Variants in ZNF600 observed in about 807,000 individuals in gnomAD.
ZNF600 encodes zinc finger protein KR-ZNF1.
A neutral mutation model predicts 7.3 loss-of-function variants in ZNF600; 4 were observed. That is an observed-to-expected ratio of 0.55 (90% CI 0.27 to 1.25). The LOEUF is 1.25. ZNF600 is among the 50% of genes most tolerant of loss of function. ZNF600 has a pLI of 0.12. For missense variants in ZNF600, 911 were observed against 922.1 expected (o/e 0.99, Z 0.16); for synonymous variants, 290 against 308.9 (o/e 0.94, Z 0.64).
intron 3 of ZNF600, among the ~76,000 whole-genome samples, chr19:52,773,777 T>A (rs1367120232): frequency 1.3e-5 from 2 of 151,810 alleles, no homozygotes; most frequent in African/African-American, 2.4e-5. Flanking sequence ...AAGGCTGAGG[T>A]AGGAGATTGC....
the ZNF600 span, among the ~76,000 whole-genome samples, chr19:52,824,259 C>T: frequency 6.6e-6 from 1 of 152,080 alleles, no homozygotes; most frequent in Admixed American, 6.6e-5. Flanking sequence ...GTTTTTCTTA[C>T]ATAGGCATCC....
At chr19:52,786,822 TG>T, upstream of ZNF600, 1 of 323,456 alleles carries the variant, frequency 3.1e-6, no homozygotes, top group Non-Finnish European at 6.6e-6. Context: ...TGGCTGGACC[TG>T]GGCGGGGTAG....
chr19:52,817,303 C>T, the ZNF600 span, among the ~76,000 whole-genome samples: 97 of 152,084 alleles, frequency 6.4e-4, 2 homozygotes, highest in South Asian at 0.02. Flanking sequence ...ACCCAGGAGG[C>T]GGAGGTTGCG....
At chr19:52,795,313 T>C in the ZNF600 span, among the ~76,000 whole-genome samples, 7 of 152,248 alleles carry the variant, frequency 4.6e-5, no homozygotes, top group Admixed American at 1.3e-4. Context: ...AAGTACACAT[T>C]GAAACAAGCT....
Position 52,779,025 on chromosome 19 carries a change from C to G in ZNF600, c.-19-118G>C, listed in dbSNP as rs913019547. 8.1e-6 allele frequency: 7 copies of G among 862,028 alleles called. No homozygotes were observed. In the African/African-American group the frequency reaches 1.0e-4, roughly 13 times the overall value. The allele number at this position is 862,028 out of a possible 1,614,324, so 53.4% of individuals were successfully genotyped here. The stretch of plus-strand genomic sequence containing the variant: ...GAAAGAAGTCCCCCACCGCCCACTG[C>G]ACCAGAGATCATGCAGAGATAAGAA... On this transcript the variant is annotated intron_variant, in intron 1 of 3. Coordinates refer to ENST00000648973, the Ensembl canonical transcript of ZNF600.
the ZNF600 span, among the ~76,000 whole-genome samples, chr19:52,803,263 G>A: frequency 6.6e-6 from 1 of 151,682 alleles, no homozygotes; most frequent in African/African-American, 2.4e-5. Context: ...TTTTAGTAGA[G>A]ATGGGGTTTG....
chr19:52,799,477 G>C, the ZNF600 span: 1 of 930,760 alleles, frequency 1.1e-6, no homozygotes. Flanking sequence ...TGACGTGCAA[G>C]GGTTGTTTTT....
At chr19:52,779,007 G>GCC in intron 1 of ZNF600, 100 bp from the exon 4 acceptor site, 1 of 1,056,844 alleles carries the variant, frequency 9.5e-7, no homozygotes, top group Non-Finnish European at 1.3e-6. Flanking sequence ...GCAGAAAGAA[G>GCC]TCCCCCACCG....
chr19:52,772,980 T>A (rs867725345), intron 3 of ZNF600, among the ~76,000 whole-genome samples: 2,665 of 134,730 alleles, frequency 0.02, 17 homozygotes, highest in African/African-American at 0.051. Flanking sequence ...AGCGGCCTCC[T>A]ATAATTTTGT....
the ZNF600 span, chr19:52,798,480 G>A: frequency 2.1e-6 from 1 of 485,270 alleles, no homozygotes; most frequent in South Asian, 1.6e-5. Context: ...TGCAAGGAGT[G>A]ATCTCGGACT....
At chr19:52,829,759 C>T in the ZNF600 span, among the ~76,000 whole-genome samples, 1 of 151,370 alleles carries the variant, frequency 6.6e-6, no homozygotes, top group Non-Finnish European at 1.5e-5. Flanking sequence ...CGATCTACCC[C>T]CCTCAGCCTC....
At chr19:52,769,981 G>A (rs540178410) in intron 3 of ZNF600, among the ~76,000 whole-genome samples, 2 of 151,946 alleles carry the variant, frequency 1.3e-5, no homozygotes, top group East Asian at 3.9e-4. Context: ...CAGCAAGCAA[G>A]TAAGTACATT....
chr19:52,804,458 C>T, the ZNF600 span, among the ~76,000 whole-genome samples: 1 of 152,130 alleles, frequency 6.6e-6, no homozygotes, highest in Non-Finnish European at 1.5e-5. Flanking sequence ...GCAACCTCCA[C>T]CTCCTGGGTT....
intron 2 of ZNF600, among the ~76,000 whole-genome samples, chr19:52,775,497 C>A (rs2062667356): frequency 6.6e-6 from 1 of 152,010 alleles, no homozygotes; most frequent in Non-Finnish European, 1.5e-5. Flanking sequence ...TTACAGTGAG[C>A]CAAGATCGCA....
the ZNF600 span, chr19:52,807,767 G>A: frequency 7.3e-6 from 5 of 689,420 alleles, no homozygotes; most frequent in Admixed American, 3.3e-5. Flanking sequence ...GAGCCACCAC[G>A]ACCAGGCTGC....
chr19:52,804,407 G>A, the ZNF600 span, among the ~76,000 whole-genome samples: 4 of 152,260 alleles, frequency 2.6e-5, no homozygotes, highest in African/African-American at 9.6e-5. Context: ...GTCTTACTCT[G>A]TCTCCCGGTC....
rs549389045 is a variant in ZNF600, at chr19:52,766,147, G to A, written c.1816C>T (p.Gln606Ter). 1 of 1,614,080 alleles carries A rather than the reference G, an allele frequency of 6.2e-7. No individual in the cohort carries two copies. Among genetic ancestry groups the A allele is most frequent in the Admixed American group, 1.7e-5 (1 of 60,022 alleles). ...CGATGGCAATGAAGGTATGACCTCT[G>A]ACTGAAGGTCTTGCTGCACTCATTA... is the stretch of plus-strand genomic sequence containing the variant. The change falls in exon 4 of 4, where the codon CAG (glutamine) becomes TAG (stop). Residue 606 changes from glutamine (Q) to a stop codon, truncating the protein, a stop_gained. Transcript: ENST00000648973. LOFTEE classifies it low-confidence loss of function (END_TRUNC).
the ZNF600 span, among the ~76,000 whole-genome samples, chr19:52,820,236 G>GC: frequency 2.2e-5 from 3 of 136,642 alleles, no homozygotes; most frequent in East Asian, 6.3e-4. Flanking sequence ...TCCTGCCTCA[G>GC]CCTCCCGAGT....
At chr19:52,765,072 G>A in exon 4 of ZNF600, 1 of 354,620 alleles carries the variant, frequency 2.8e-6, no homozygotes, top group Non-Finnish European at 5.6e-6. Context: ...TGTCAATTAA[G>A]GGTTGAACTC....
Sources: allele counts gnomAD v4.1 joint callset (sites outside exome capture counted in the v4.1 genomes callset), GRCh38; gene constraint gnomAD v4.1.1; transcripts MANE v1.5; gene names NCBI Gene and HGNC (gene_info 2026-07-23, HGNC 2026-07-21).